KALRN: variants seen among roughly 807,000 people sequenced by gnomAD.
KALRN encodes kalirin RhoGEF kinase.
In KALRN, 70 loss-of-function variants were observed where a neutral mutation model predicts 353.7. The observed-to-expected ratio is 0.20, with a 90% CI of 0.16 to 0.24. The LOEUF (loss-of-function observed/expected upper bound fraction) is 0.24, where lower values mean the gene tolerates loss of function less well. KALRN is among the 10% of genes least tolerant of loss of function. The probability of loss-of-function intolerance (pLI) is 1.00; values close to 1 mark genes in which losing one functional copy is unlikely to be tolerated. For synonymous variants in KALRN, 1,391 were observed against 1,434.8 expected (o/e 0.97, Z 0.69); for missense variants, 2,791 against 3,756.7 (o/e 0.74, Z 6.72).
intron 1 of KALRN, among the ~76,000 whole-genome samples, chr3:124,219,069 G>A (rs2077621175): frequency 6.6e-6 from 1 of 152,228 alleles, no homozygotes; most frequent in East Asian, 1.9e-4. Flanking sequence ...ATGGGAGGAA[G>A]AGACATGGCA....
At chr3:124,474,917 G>T (rs2061298665) in intron 26 of KALRN, among the ~76,000 whole-genome samples, 185 bp downstream of exon 26, 1 of 152,186 alleles carries the variant, frequency 6.6e-6, no homozygotes, top group Non-Finnish European at 1.5e-5. Context: ...TCCATCTTAA[G>T]CTGTCTAAGA....
At chr3:124,523,552 G>A (rs1021727028) in intron 33 of KALRN, among the ~76,000 whole-genome samples, 3 of 152,176 alleles carry the variant, frequency 2.0e-5, no homozygotes, top group Non-Finnish European at 4.4e-5. Context: ...AAGACATTTT[G>A]ATTATATGTA....
intron 34 of KALRN, among the ~76,000 whole-genome samples, chr3:124,617,084 C>A (rs2078694908): frequency 6.6e-6 from 1 of 152,068 alleles, no homozygotes; most frequent in Non-Finnish European, 1.5e-5. Context: ...GTAATCCTAG[C>A]ACTTTGGGAG....
At chr3:124,206,964 T>C (rs1480639003) in intron 1 of KALRN, among the ~76,000 whole-genome samples, 1 of 152,206 alleles carries the variant, frequency 6.6e-6, no homozygotes, top group Non-Finnish European at 1.5e-5. Flanking sequence ...GTTGGCACTT[T>C]CCAAGGGGTT....
chr3:124,658,541 A>G (rs1480952757), intron 42 of KALRN, 24 bp downstream of exon 42: 3 of 1,594,408 alleles, frequency 1.9e-6, no homozygotes, highest in Admixed American at 1.7e-5. Flanking sequence ...GCTTTGCTGA[A>G]CTGGGGTGGG....
At chr3:124,599,492 C>G (rs1024018449) in intron 34 of KALRN, among the ~76,000 whole-genome samples, 2 of 152,188 alleles carry the variant, frequency 1.3e-5, no homozygotes, top group African/African-American at 2.4e-5. Flanking sequence ...CCTTTCCCAT[C>G]TGTCTCTCAT....
chr3:124,518,368 C>G, intron 33 of KALRN: 6 of 1,592,550 alleles, frequency 3.8e-6, no homozygotes, highest in Non-Finnish European at 5.2e-6. Flanking sequence ...AAGTTATATG[C>G]AAATCACAGA....
In KALRN at chr3:124,264,616, G is replaced by A; in HGVS notation, c.382G>A (p.Ala128Thr). Residue 128 changes from alanine to threonine, a missense_variant, in exon 4 of 60, where the codon GCC (alanine) becomes ACC (threonine). Physicochemically the swap from Ala to Thr is moderately conservative, Grantham distance 58 (BLOSUM62 0). Transcript: ENST00000682506. ...QEAFPAEIHV[A>T]LIIKPDNFWQ... The stretch of plus-strand genomic sequence containing the variant: ...AGCCTTTCCAGCTGAGATCCATGTG[G>A]CCCTCATCATTAAACCCGACAACTT... 1.2e-6 allele frequency: 2 copies of A among 1,614,082 alleles called. No homozygotes were observed. The highest frequency in any genetic ancestry group is 1.3e-5 in the African/African-American group (1 of 75,004).
At chr3:124,081,096 A>C (rs1210457630) in intron 1 of KALRN, among the ~76,000 whole-genome samples, 1 of 152,164 alleles carries the variant, frequency 6.6e-6, no homozygotes, top group Non-Finnish European at 1.5e-5. Context: ...AGTTTCATGG[A>C]GGACATTTGT....
chr3:124,262,375 C>T (rs1312058817), intron 3 of KALRN, among the ~76,000 whole-genome samples: 2 of 152,202 alleles, frequency 1.3e-5, no homozygotes, highest in African/African-American at 4.8e-5. Flanking sequence ...GGATCTTTGA[C>T]TACTTCAACT....
chr3:124,708,898 T>G (rs1161389330), intron 57 of KALRN, among the ~76,000 whole-genome samples: 2 of 151,816 alleles, frequency 1.3e-5, no homozygotes, highest in Non-Finnish European at 2.9e-5. Flanking sequence ...ACATATTACA[T>G]TTAGGTAGAA....
chr3:124,176,070 C>T (rs1264159312), intron 1 of KALRN, among the ~76,000 whole-genome samples: 2 of 151,830 alleles, frequency 1.3e-5, no homozygotes, highest in African/African-American at 4.8e-5. Context: ...TTCCACCCAT[C>T]CCTGCCTTTT....
At chr3:124,356,788 T>C (rs976943239) in intron 10 of KALRN, among the ~76,000 whole-genome samples, 3 of 152,170 alleles carry the variant, frequency 2.0e-5, no homozygotes, top group African/African-American at 7.2e-5. Flanking sequence ...TTTTCCCTTT[T>C]CCCCAGGATT....
chr3:124,646,784 T>C lies in KALRN; in HGVS notation c.5665-4024T>C, dbSNP rs150161581. Among the ~76,000 whole-genome samples the C allele has an allele frequency of 3.6e-3, 545 of 151,596 alleles. 3 individuals are homozygous for C. Among genetic ancestry groups the C allele is most frequent in the African/African-American group, 0.012 (512 of 41,298 alleles). On this transcript the variant is annotated intron_variant, in intron 37 of 59. Coordinates refer to ENST00000682506, the MANE Select transcript of KALRN (RefSeq NM_001388419.1). ...CAAAAAAATTTGGAAAAATGACGAGTATAAACATAAATCATCATCTAGACA... is the reference window on the plus strand; with the variant it reads ...CAAAAAAATTTGGAAAAATGACGAGCATAAACATAAATCATCATCTAGACA...
intron 34 of KALRN, chr3:124,585,037 G>C: frequency 1.8e-6 from 2 of 1,135,268 alleles, no homozygotes; most frequent in Non-Finnish European, 2.4e-6. Context: ...GGATCAGGAG[G>C]GCGGCGAAGT....
At chr3:124,353,303 A>C (rs2083034930) in intron 10 of KALRN, among the ~76,000 whole-genome samples, 1 of 152,150 alleles carries the variant, frequency 6.6e-6, no homozygotes, top group Non-Finnish European at 1.5e-5. Context: ...GGGCAAAATA[A>C]AATAGGATAA....
At chr3:124,436,148 A>G (rs1345220831) in intron 17 of KALRN, among the ~76,000 whole-genome samples, 2 of 152,244 alleles carry the variant, frequency 1.3e-5, no homozygotes, top group Non-Finnish European at 2.9e-5. Context: ...CTGAATATCC[A>G]TATGGAAACA....
At chr3:124,200,236 C>A (rs575753913) in intron 1 of KALRN, among the ~76,000 whole-genome samples, 1 of 152,332 alleles carries the variant, frequency 6.6e-6, no homozygotes, top group South Asian at 2.1e-4. Flanking sequence ...CTGAGCCTCT[C>A]CCTCAACTTA....
At chr3:124,666,311 G>A in intron 45 of KALRN, 138 bp from the exon 46 acceptor site, 1 of 759,880 alleles carries the variant, frequency 1.3e-6, no homozygotes, top group South Asian at 1.8e-5. Context: ...TCCTAATTCA[G>A]TCTCTTCCTA....
Sources: allele counts gnomAD v4.1 joint callset (sites outside exome capture counted in the v4.1 genomes callset), GRCh38; gene constraint gnomAD v4.1.1; transcripts MANE v1.5; gene names NCBI Gene and HGNC (gene_info 2026-07-23, HGNC 2026-07-21).